Variants in MICU1 observed in about 807,000 individuals in gnomAD.
MICU1 encodes the protein calcium uptake protein 1, mitochondrial.
In MICU1, 45 loss-of-function variants were observed where a neutral mutation model predicts 56.8. That is an observed-to-expected ratio of 0.79 (90% CI 0.62 to 1.02). The LOEUF (loss-of-function observed/expected upper bound fraction) is 1.02. MICU1 is among the 50% of genes least tolerant of loss of function. The pLI is 0.00. For synonymous variants in MICU1, 186 were observed against 195.1 expected, an observed-to-expected ratio of 0.95 and a Z score of 0.39; for missense variants, 504 against 587.1, an observed-to-expected ratio of 0.86 and a Z score of 1.46.
chr10:72,368,093 G>T lies in MICU1; in HGVS notation c.*102C>A. ...GTCCTGAGGTCATCCCGGGAGGAAG[G>T]GGGACTACTTCCAGAAGCAGCAGCA... is the stretch of plus-strand genomic sequence containing the variant. On this transcript the variant is annotated 3_prime_UTR_variant, in exon 12 of 12. Coordinates refer to ENST00000361114, the MANE Select transcript of MICU1 (RefSeq NM_001195518.2). The T allele has an allele frequency of 8.0e-7, 1 of 1,255,056 alleles. No individual in the cohort carries two copies. The highest frequency in any genetic ancestry group is 1.1e-6 in the Non-Finnish European group (1 of 906,344). 77.7% of individuals were successfully genotyped at this position (1,255,056 alleles called of 1,614,324 possible).
chr10:72,403,669 G>GTGTT (rs775016851), intron 10 of MICU1, among the ~76,000 whole-genome samples: 3 of 143,106 alleles, frequency 2.1e-5, no homozygotes, highest in Admixed American at 6.9e-5. Context: ...GTGTGTGTGT[G>GTGTT]TTTTGAGACG....
At chr10:72,449,122 G>A (rs777504654) in intron 8 of MICU1, among the ~76,000 whole-genome samples, 7 of 152,162 alleles carry the variant, frequency 4.6e-5, no homozygotes, top group Non-Finnish European at 1.0e-4. Context: ...TTTAATCTGG[G>A]CATGGTGACT....
chr10:72,450,807 C>T (rs1053942748), intron 8 of MICU1, among the ~76,000 whole-genome samples: 5 of 150,876 alleles, frequency 3.3e-5, no homozygotes, highest in South Asian at 2.1e-4. Context: ...TCACTGCAAC[C>T]GCCACCACTC....
At chr10:72,466,717 T>G (rs1462688121) in intron 8 of MICU1, among the ~76,000 whole-genome samples, 1 of 152,226 alleles carries the variant, frequency 6.6e-6, no homozygotes, top group African/African-American at 2.4e-5. Flanking sequence ...CAACAAGTGT[T>G]GGATTGAAAG....
chr10:72,579,664 T>C (rs1840846615), intron 1 of MICU1, among the ~76,000 whole-genome samples: 1 of 152,186 alleles, frequency 6.6e-6, no homozygotes, highest in Admixed American at 6.6e-5. Flanking sequence ...ATTGGTAGCA[T>C]ATAAATTCAG....
chr10:72,591,153 C>T (rs1429703835), intron 1 of MICU1, among the ~76,000 whole-genome samples: 3 of 151,978 alleles, frequency 2.0e-5, no homozygotes, highest in African/African-American at 7.2e-5. Context: ...ATCAAAGAAG[C>T]ACTCACAAAA....
At chr10:72,422,266 C>T (rs776481310) in intron 9 of MICU1, among the ~76,000 whole-genome samples, 1 of 152,206 alleles carries the variant, frequency 6.6e-6, no homozygotes, top group Non-Finnish European at 1.5e-5. Context: ...ATTGAAAAGG[C>T]AGCTACCTGC....
chr10:72,566,391 T>C (rs1039682892), intron 2 of MICU1, among the ~76,000 whole-genome samples: 2 of 152,106 alleles, frequency 1.3e-5, no homozygotes, highest in Non-Finnish European at 2.9e-5. Flanking sequence ...CCCTATCCCA[T>C]TATTTAAAAT....
intron 1 of MICU1, among the ~76,000 whole-genome samples, chr10:72,598,287 G>C (rs1381544137): frequency 1.3e-5 from 2 of 150,804 alleles, no homozygotes; most frequent in African/African-American, 2.4e-5. Flanking sequence ...TGGGACCCTT[G>C]CCCTGTCGCC....
intron 9 of MICU1, among the ~76,000 whole-genome samples, chr10:72,422,106 G>C (rs760616713): frequency 1.2e-4 from 19 of 152,178 alleles, no homozygotes; most frequent in Non-Finnish European, 2.8e-4. Context: ...TGTATTTGGA[G>C]ATGGGGCCTT....
At chr10:72,509,073 T>C (rs1348205999) in intron 5 of MICU1, among the ~76,000 whole-genome samples, 1 of 152,220 alleles carries the variant, frequency 6.6e-6, no homozygotes, top group Non-Finnish European at 1.5e-5. Context: ...AAACTTACTC[T>C]GTTTTCTGAA....
chr10:72,562,760 A>G, intron 3 of MICU1, 135 bp downstream of exon 3: 1 of 797,238 alleles, frequency 1.3e-6, no homozygotes, highest in Non-Finnish European at 1.8e-6. Flanking sequence ...GGCTTAGAAC[A>G]TGATAGAAAA....
chr10:72,457,384 A>AT (rs5786076), intron 8 of MICU1, among the ~76,000 whole-genome samples: 2,478 of 141,686 alleles, frequency 0.017, 56 homozygotes, highest in African/African-American at 0.055. Context: ...TGCTTGGCCC[A>AT]TTTTTTTTTT....
chr10:72,514,562 GTCGTC>G (rs1867587556), intron 5 of MICU1, among the ~76,000 whole-genome samples: 1 of 152,082 alleles, frequency 6.6e-6, no homozygotes, highest in Non-Finnish European at 1.5e-5. Flanking sequence ...TTTGTCATAG[GTCGTC>G]ACTCAAGTCT....
intron 8 of MICU1, among the ~76,000 whole-genome samples, chr10:72,454,611 C>T (rs563753842): frequency 2.0e-5 from 3 of 151,782 alleles, no homozygotes; most frequent in East Asian, 3.9e-4. Flanking sequence ...GGTGAAACCA[C>T]GTCTCTATTA....
intron 8 of MICU1, among the ~76,000 whole-genome samples, chr10:72,441,669 T>C (rs1270205308): frequency 7.4e-6 from 1 of 134,538 alleles, no homozygotes; most frequent in Non-Finnish European, 1.6e-5. Context: ...CAGGCTGGAG[T>C]GCAGTGGTAC....
At chr10:72,608,240 TG>T (rs1221972209) in intron 1 of MICU1, among the ~76,000 whole-genome samples, 1 of 152,170 alleles carries the variant, frequency 6.6e-6, no homozygotes, top group East Asian at 1.9e-4. Flanking sequence ...CGCTAATTTT[TG>T]TATTTTTTTT....
In MICU1 at chr10:72,477,269, G is replaced by GA. The variant is rs1589259503; in HGVS notation, c.653-14dup. 22 of 1,519,484 alleles carry GA rather than the reference G, an allele frequency of 1.4e-5. No individual in the cohort carries two copies. In the East Asian group the frequency reaches 2.7e-4, roughly 19 times the overall value. 94.1% of individuals were successfully genotyped at this position (1,519,484 alleles called of 1,614,324 possible). A position where few individuals can be genotyped will look rare whatever the true frequency, so the allele number is the denominator to read the frequency against. On this transcript the variant is annotated splice_polypyrimidine_tract_variant and intron_variant, in intron 6 of 11. Transcript: ENST00000361114. The stretch of plus-strand genomic sequence containing the variant: ...TTTCTCTGAGGAGCTGCAGAGGAGA[G>GA]AAAAAAAATATTTAGAAGGCATTGA...
At chr10:72,545,140 A>G (rs951713) in intron 4 of MICU1, among the ~76,000 whole-genome samples, 4,763 of 152,296 alleles carry the variant, frequency 0.031, 174 homozygotes, top group East Asian at 0.22. Context: ...TATAGGAATA[A>G]TATATCTTTT....
Sources: gnomAD v4.1 joint callset for allele counts (sites outside exome capture counted in the v4.1 genomes callset) on GRCh38, gnomAD v4.1.1 for gene constraint, MANE v1.5 for transcripts, NCBI Gene and HGNC (gene_info 2026-07-23, HGNC 2026-07-21) for gene names.